Variants in ATAD2 observed in about 807,000 individuals in gnomAD.
ATAD2 encodes ATPase family AAA domain containing 2.
In ATAD2, 62 loss-of-function variants were observed where a neutral mutation model predicts 168.9. That is an observed-to-expected ratio of 0.37 (90% CI 0.30 to 0.45). The LOEUF is 0.45. Ranked by LOEUF, ATAD2 falls within the 20% of genes least tolerant of loss-of-function variation. The probability of loss-of-function intolerance (pLI) is 1.00; values close to 1 mark genes in which losing one functional copy is unlikely to be tolerated. For synonymous variants in ATAD2, 613 were observed against 571.6 expected, an observed-to-expected ratio of 1.07 and a Z score of -1.03; for missense variants, 1,419 against 1,667.8, an observed-to-expected ratio of 0.85 and a Z score of 2.60.
intron 13 of ATAD2, among the ~76,000 whole-genome samples, chr8:123,351,127 G>A (rs573494366): frequency 6.6e-6 from 1 of 152,226 alleles, no homozygotes; most frequent in Admixed American, 6.5e-5. Flanking sequence ...TATCCCCACA[G>A]GAGGCACCTA....
At chr8:123,345,397 C>T (rs1036372396) in intron 18 of ATAD2, among the ~76,000 whole-genome samples, 1 of 151,576 alleles carries the variant, frequency 6.6e-6, no homozygotes, top group African/African-American at 2.4e-5. Context: ...CGCGGTGGCT[C>T]ATGCCTATAA....
At chr8:123,340,168 G>A (rs1026608618) in intron 19 of ATAD2, among the ~76,000 whole-genome samples, 1 of 152,120 alleles carries the variant, frequency 6.6e-6, no homozygotes, top group Non-Finnish European at 1.5e-5. Flanking sequence ...ACAATTACAC[G>A]CATATGCCAC....
chr8:123,367,971 C>T (rs943586973), intron 8 of ATAD2, among the ~76,000 whole-genome samples: 1 of 152,154 alleles, frequency 6.6e-6, no homozygotes, highest in African/African-American at 2.4e-5. Flanking sequence ...TATCCTAAGG[C>T]TTCGGTCTTA....
intron 8 of ATAD2, among the ~76,000 whole-genome samples, chr8:123,362,907 T>G (rs1828868388): frequency 6.6e-6 from 1 of 152,158 alleles, no homozygotes; most frequent in African/African-American, 2.4e-5. Flanking sequence ...AACCCATAAG[T>G]TTTCTTGCTC....
chr8:123,335,424 A>T (rs1271593624), intron 22 of ATAD2, among the ~76,000 whole-genome samples: 1 of 152,186 alleles, frequency 6.6e-6, no homozygotes, highest in African/African-American at 2.4e-5. Context: ...AAATTTTAGT[A>T]GTTTCCTATA....
chr8:123,396,368 T>A lies in ATAD2; in HGVS notation c.-11A>T. Reference sequence around the variant, plus strand: ...GCGGAGAACCACCATCTTCTCTCCCTACTGGCCTCGGCGTGCGCGACCGGA... The same window carrying A: ...GCGGAGAACCACCATCTTCTCTCCCAACTGGCCTCGGCGTGCGCGACCGGA... On this transcript the variant is annotated 5_prime_UTR_variant, in exon 1 of 28. Transcript: ENST00000287394. 1.3e-6 allele frequency: 2 copies of A among 1,565,172 alleles called. No homozygotes were observed. Among genetic ancestry groups the A allele is most frequent in the Non-Finnish European group, 1.7e-6 (2 of 1,155,676 alleles).
intron 6 of ATAD2, 23 bp downstream of exon 6, chr8:123,370,880 A>G: frequency 1.3e-6 from 2 of 1,535,156 alleles, no homozygotes; most frequent in Non-Finnish European, 1.8e-6. Context: ...ATCCCAGAAG[A>G]CAGAACAAGA....
intron 8 of ATAD2, 55 bp downstream of exon 8, chr8:123,369,003 C>T: frequency 6.7e-6 from 7 of 1,046,404 alleles, no homozygotes; most frequent in African/African-American, 1.6e-5. Flanking sequence ...AGAGTCCAGC[C>T]CTAACATAAA....
chr8:123,353,278 A>T (rs1271885360), intron 13 of ATAD2, among the ~76,000 whole-genome samples: 1 of 150,144 alleles, frequency 6.7e-6, no homozygotes, highest in Middle Eastern at 3.4e-3. Context: ...GCACGAGAAT[A>T]GCTTGAACCT....
At chr8:123,394,203 C>T (rs972103726) in intron 1 of ATAD2, among the ~76,000 whole-genome samples, 2 of 152,128 alleles carry the variant, frequency 1.3e-5, no homozygotes, top group African/African-American at 4.8e-5. Flanking sequence ...AATCTCCTTA[C>T]ATACATGATC....
At chr8:123,349,502 C>T in intron 13 of ATAD2, 58 bp from the exon 14 acceptor site, 2 of 1,483,354 alleles carry the variant, frequency 1.3e-6, no homozygotes, top group East Asian at 2.3e-5. Context: ...CTATATCATT[C>T]AGTAATATTT....
chr8:123,349,989 C>T (rs991521386), intron 13 of ATAD2, among the ~76,000 whole-genome samples: 10 of 151,470 alleles, frequency 6.6e-5, no homozygotes, highest in Non-Finnish European at 8.8e-5. Context: ...GCATTCCAGC[C>T]TGGGTGACAG....
At chr8:123,339,263 CCTA>C (rs1255619556) in intron 20 of ATAD2, 45 bp downstream of exon 20, 26 of 1,409,722 alleles carry the variant, frequency 1.8e-5, no homozygotes, top group Non-Finnish European at 2.2e-5. Context: ...CTATTTCATT[CCTA>C]CTTTCTCAAA....
chr8:123,380,413 A>G, intron 2 of ATAD2, 116 bp downstream of exon 2: 1 of 1,094,100 alleles, frequency 9.1e-7, no homozygotes, highest in Non-Finnish European at 1.3e-6. Context: ...AATAAACTAC[A>G]TTTTATAGCC....
At chr8:123,357,096 A>G (rs1463167388) in intron 12 of ATAD2, among the ~76,000 whole-genome samples, 3 of 152,226 alleles carry the variant, frequency 2.0e-5, no homozygotes, top group Admixed American at 2.0e-4. Flanking sequence ...CCATAAACAT[A>G]AAAGTAAAAA....
Position 123,349,399 on chromosome 8 carries a change from G to A in ATAD2, c.1692C>T (p.Ser564=). The part of the protein sequence containing the change: ...TLLALMDGLD[S]RGEIVVIGAT... The stretch of plus-strand genomic sequence containing the variant: ...CACCAATGACCACAATTTCCCCTCT[G>A]CTGTCCAATCCATCCATAAGAGCTA... The change falls in exon 14 of 28, where the codon AGC becomes AGT. Residue 564 remains serine, a synonymous_variant. Coordinates refer to ENST00000287394, the MANE Select transcript of ATAD2 (RefSeq NM_014109.4). 1 of 1,613,966 alleles carries A rather than the reference G, an allele frequency of 6.2e-7. No individual in the cohort carries two copies. Among genetic ancestry groups the A allele is most frequent in the Non-Finnish European group, 8.5e-7 (1 of 1,179,982 alleles).
intron 26 of ATAD2, among the ~76,000 whole-genome samples, chr8:123,324,242 C>G (rs1827547545): frequency 6.6e-6 from 1 of 152,172 alleles, no homozygotes; most frequent in Non-Finnish European, 1.5e-5. Flanking sequence ...AAGAGAAAGG[C>G]TTTCCTAAGT....
chr8:123,414,162 CA>C (rs992484421), intron 1 of ATAD2, among the ~76,000 whole-genome samples: 4 of 89,566 alleles, frequency 4.5e-5, no homozygotes, highest in Admixed American at 4.3e-4. Context: ...ATTTTTTTAA[CA>C]AAAAATCATA....
intron 1 of ATAD2, among the ~76,000 whole-genome samples, chr8:123,385,141 A>T (rs1183297917): frequency 6.6e-6 from 1 of 152,240 alleles, no homozygotes; most frequent in African/African-American, 2.4e-5. Flanking sequence ...GTACCATTAC[A>T]GCTATACAGG....
Sources: gnomAD v4.1 joint callset for allele counts (sites outside exome capture counted in the v4.1 genomes callset) on GRCh38, gnomAD v4.1.1 for gene constraint, MANE v1.5 for transcripts, NCBI Gene and HGNC (gene_info 2026-07-23, HGNC 2026-07-21) for gene names.